The following ST8SIA6 variants were observed in gnomAD, a reference collection of about 807,000 sequenced individuals.
ST8SIA6 encodes ST8 alpha-N-acetyl-neuraminide alpha-2,8-sialyltransferase 6.
In ST8SIA6, 39 loss-of-function variants were observed where a neutral mutation model predicts 33.6. That is an observed-to-expected ratio of 1.16 (90% confidence interval 0.90 to 1.52). The LOEUF is 1.52. Ranked by LOEUF, ST8SIA6 falls within the 40% of genes most tolerant of loss-of-function variation. The pLI is 0.00. For missense variants in ST8SIA6, 441 were observed against 443.8 expected (o/e 0.99, Z 0.06); for synonymous variants, 172 against 167.2 (o/e 1.03, Z -0.22).
At chr10:17,424,733 C>G (rs537273714) in intron 2 of ST8SIA6, among the ~76,000 whole-genome samples, 3 of 151,552 alleles carry the variant, frequency 2.0e-5, no homozygotes, top group Non-Finnish European at 4.4e-5. Flanking sequence ...TACATAACAT[C>G]ATAAATTTTT....
chr10:17,347,953 C>CAAAAAAAAA (rs55996465), intron 4 of ST8SIA6, among the ~76,000 whole-genome samples: 29 of 68,630 alleles, frequency 4.2e-4, no homozygotes, highest in African/African-American at 8.7e-4. Context: ...GACTCTGTCT[C>CAAAAAAAAA]AAAAAAAAAA....
At chr10:17,335,466 G>A (rs1321510455) in intron 4 of ST8SIA6, among the ~76,000 whole-genome samples, 3 of 152,128 alleles carry the variant, frequency 2.0e-5, no homozygotes, top group Non-Finnish European at 2.9e-5. Context: ...TTCTCAAGAC[G>A]TGAAAAGTAG....
At chr10:17,406,852 C>T (rs927035531) in intron 2 of ST8SIA6, among the ~76,000 whole-genome samples, 4 of 144,004 alleles carry the variant, frequency 2.8e-5, no homozygotes, top group Admixed American at 2.2e-4. Context: ...TGGAGTGCAA[C>T]GGTGCAATCT....
At chr10:17,325,315 T>C (rs573437196) in intron 6 of ST8SIA6, among the ~76,000 whole-genome samples, 22 of 146,592 alleles carry the variant, frequency 1.5e-4, no homozygotes, top group Middle Eastern at 4.3e-3. Flanking sequence ...TATTATATAT[T>C]TATCATACAT....
chr10:17,354,981 G>C (rs1849148420), intron 4 of ST8SIA6, among the ~76,000 whole-genome samples: 1 of 152,118 alleles, frequency 6.6e-6, no homozygotes, highest in African/African-American at 2.4e-5. Context: ...AAGCTGCCAA[G>C]TTCTCAGACC....
chr10:17,342,864 G>A (rs982647663), intron 4 of ST8SIA6, among the ~76,000 whole-genome samples: 2 of 152,114 alleles, frequency 1.3e-5, no homozygotes, highest in African/African-American at 2.4e-5. Context: ...TGGGAGGATC[G>A]CTTGAACCCA....
In ST8SIA6 at chr10:17,374,715, A is replaced by AAAATAAAT. The variant is rs200761061; in HGVS notation, c.291-15123_291-15116dup. 3.0e-4 allele frequency among the ~76,000 whole-genome samples: 40 copies of AAAATAAAT among 134,816 alleles called. 1 individual carries two copies. Among genetic ancestry groups the AAAATAAAT allele is most frequent in the African/African-American group, 4.7e-4 (17 of 36,322 alleles). 88.4% of individuals were successfully genotyped at this position (134,816 alleles called of 152,430 possible). On this transcript the variant is annotated intron_variant, in intron 3 of 7. Coordinates refer to ENST00000377602, the MANE Select transcript of ST8SIA6 (RefSeq NM_001004470.3). ...GGTGACAGAATGAGGCTCTGTCTCA[A>AAAATAAAT]AAATAAATAAATAAATAAATAAATA...
chr10:17,405,300 G>C (rs2131685148), intron 2 of ST8SIA6, among the ~76,000 whole-genome samples: 1 of 152,096 alleles, frequency 6.6e-6, no homozygotes, highest in East Asian at 1.9e-4. Flanking sequence ...GAGCCCAGGA[G>C]TTCAAGCCTG....
intron 4 of ST8SIA6, among the ~76,000 whole-genome samples, chr10:17,348,901 T>TCGGGG (rs78034346): frequency 1.3e-5 from 2 of 151,632 alleles, no homozygotes; most frequent in South Asian, 4.2e-4. Flanking sequence ...GGCTAAGTAA[T>TCGGGG]CGGGGCGGGG....
chr10:17,325,153 ATTG>A lies in ST8SIA6; in HGVS notation c.635+1858_635+1860del, dbSNP rs560126142. 2.8e-5 allele frequency among the ~76,000 whole-genome samples: 4 copies of A among 141,132 alleles called. No individual in the cohort carries two copies. In the South Asian group the frequency reaches 9.0e-4, roughly 32 times the overall value. The allele number at this position is 141,132 out of a possible 152,430, so 92.6% of individuals were successfully genotyped here. ...TTATAGATTTATAAAATGTATGCAT[ATTG>A]TTATATAATATGTACATATGTAATG... On this transcript the variant is annotated intron_variant, in intron 6 of 7. Coordinates refer to ENST00000377602, the MANE Select transcript of ST8SIA6 (RefSeq NM_001004470.3).
At chr10:17,363,986 T>C (rs545965329) in intron 3 of ST8SIA6, among the ~76,000 whole-genome samples, 1 of 152,218 alleles carries the variant, frequency 6.6e-6, no homozygotes, top group Non-Finnish European at 1.5e-5. Flanking sequence ...TTCTGGGTTA[T>C]ACAAAACTAT....
chr10:17,385,278 C>G (rs1267651231), intron 3 of ST8SIA6, among the ~76,000 whole-genome samples: 2 of 152,112 alleles, frequency 1.3e-5, no homozygotes, highest in Non-Finnish European at 2.9e-5. Context: ...TATTTGTGAC[C>G]TGGAAGTTCC....
intron 5 of ST8SIA6, among the ~76,000 whole-genome samples, chr10:17,331,034 C>T (rs112349161): frequency 6.6e-6 from 1 of 152,172 alleles, no homozygotes; most frequent in African/African-American, 2.4e-5. Context: ...ATAAACGCAC[C>T]GTTCCTTGGG....
At chr10:17,400,104 G>T (rs1459514111) in intron 2 of ST8SIA6, among the ~76,000 whole-genome samples, 2 of 152,148 alleles carry the variant, frequency 1.3e-5, no homozygotes, top group African/African-American at 2.4e-5. Flanking sequence ...GAGGGGCAGG[G>T]TGAGTCATTA....
intron 3 of ST8SIA6, among the ~76,000 whole-genome samples, chr10:17,389,669 T>G (rs986247441): frequency 6.6e-6 from 1 of 152,118 alleles, no homozygotes; most frequent in African/African-American, 2.4e-5. Context: ...CAGCTGAGAC[T>G]GGGGGGTAAA....
At chr10:17,404,553 C>T (rs961819113) in intron 2 of ST8SIA6, among the ~76,000 whole-genome samples, 4 of 152,110 alleles carry the variant, frequency 2.6e-5, no homozygotes, top group Non-Finnish European at 5.9e-5. Context: ...GGCCAGAATC[C>T]CCTATGCTTA....
At chr10:17,352,976 A>G (rs1849082211) in intron 4 of ST8SIA6, among the ~76,000 whole-genome samples, 1 of 152,122 alleles carries the variant, frequency 6.6e-6, no homozygotes, top group South Asian at 2.1e-4. Context: ...AAAAAAAATA[A>G]AATATGTATT....
intron 3 of ST8SIA6, among the ~76,000 whole-genome samples, chr10:17,374,764 T>TATATATATATATATATATATACACACAC (rs1441288579): frequency 1.6e-5 from 2 of 126,848 alleles, no homozygotes; most frequent in African/African-American, 6.0e-5. Context: ...TATATATATA[T>TATATATATATATATATATATACACACAC]ATATTTAGCT....
At chr10:17,423,432 A>G (rs1187264457) in intron 2 of ST8SIA6, among the ~76,000 whole-genome samples, 9 of 152,182 alleles carry the variant, frequency 5.9e-5, no homozygotes, top group Admixed American at 5.9e-4. Flanking sequence ...AACTAGCTCC[A>G]TGAGTCTAGA....
Sources: gnomAD v4.1 joint callset for allele counts (sites outside exome capture counted in the v4.1 genomes callset) on GRCh38, gnomAD v4.1.1 for gene constraint, MANE v1.5 for transcripts, NCBI Gene and HGNC (gene_info 2026-07-23, HGNC 2026-07-21) for gene names.